TMEM63A: variants seen among roughly 807,000 people sequenced by gnomAD.
TMEM63A encodes the protein transmembrane protein 63A, also known as mechanosensitive cation channel TMEM63A.
Under a neutral mutation model 100.6 loss-of-function variants are expected in TMEM63A, and 76 were observed. The ratio of observed to expected loss-of-function variants is 0.76; its 90% CI spans 0.63 to 0.91. The LOEUF (loss-of-function observed/expected upper bound fraction) is 0.91, where lower values mean the gene tolerates loss of function less well. Ranked by LOEUF, TMEM63A falls within the 40% of genes least tolerant of loss-of-function variation. TMEM63A has a pLI of 0.00. For missense variants in TMEM63A, 876 were observed against 1,008.8 expected, an observed-to-expected ratio of 0.87 and a Z score of 1.78; for synonymous variants, 401 against 401.1, an observed-to-expected ratio of 1.00 and a Z score of 0.00.
intron 24 of TMEM63A, 33 bp from the exon 25 acceptor site, chr1:225,846,965 G>T: frequency 2.0e-6 from 3 of 1,491,600 alleles, no homozygotes; most frequent in South Asian, 1.3e-5. Flanking sequence ...ATGAACTTGG[G>T]AGTCAGGCCG....
chr1:225,846,365 C>T lies in TMEM63A; in HGVS notation c.*574G>A, dbSNP rs893497195. On this transcript the variant is annotated 3_prime_UTR_variant, in exon 25 of 25. Coordinates refer to ENST00000366835, the MANE Select transcript of TMEM63A (RefSeq NM_014698.3). ...TGCCTGCTATGGGGTAACCCTGACC[C>T]AGCTAGCGTCCCTGACAACATGATA... 1 of 152,466 alleles carries T rather than the reference C, an allele frequency of 6.6e-6. No homozygotes were observed. The highest frequency in any genetic ancestry group is 1.5e-5 in the Non-Finnish European group (1 of 68,228). The allele number at this position is 152,466 out of a possible 1,614,324, so 9.4% of individuals were successfully genotyped here.
intron 4 of TMEM63A, among the ~76,000 whole-genome samples, chr1:225,873,440 C>T (rs1043905312): frequency 2.6e-5 from 4 of 152,164 alleles, no homozygotes; most frequent in Non-Finnish European, 5.9e-5. Flanking sequence ...TGTCAGGAGG[C>T]GCCCGAGAGT....
rs1285954216 is a variant in TMEM63A at position 225,862,023 on chromosome 1, C to T, written c.1085+195G>A. On this transcript the variant is annotated intron_variant, in intron 13 of 24. Coordinates refer to ENST00000366835, the MANE Select transcript of TMEM63A (RefSeq NM_014698.3). The surrounding 1 kb of genome is among the most constrained non-coding windows in gnomAD (Gnocchi z 5.1). ...ACTCCGTGGCTGCTGCCCACACCCC[C>T]ACCGCCTGTTACACAAACATGGGCT... is the stretch of plus-strand genomic sequence containing the variant. The T allele has an allele frequency of 2.3e-6, 2 of 854,054 alleles. No individual in the cohort carries two copies. Among genetic ancestry groups the T allele is most frequent in the Non-Finnish European group, 3.5e-6 (2 of 566,720 alleles). The allele number at this position is 854,054 out of a possible 1,614,324, so 52.9% of individuals were successfully genotyped here.
At chr1:225,871,622 T>C (rs1052555350) in intron 5 of TMEM63A, 7 of 281,684 alleles carry the variant, frequency 2.5e-5, no homozygotes, top group Admixed American at 9.5e-5. Context: ...ACACCTACTA[T>C]GCATCAGGCG....
At chr1:225,876,396 G>C (rs12042321) in intron 3 of TMEM63A, among the ~76,000 whole-genome samples, 1 of 151,920 alleles carries the variant, frequency 6.6e-6, no homozygotes, top group Non-Finnish European at 1.5e-5. Flanking sequence ...TACTCCATCA[G>C]AGCCATCTGC....
intron 4 of TMEM63A, among the ~76,000 whole-genome samples, chr1:225,873,555 G>T (rs1298648140): frequency 6.6e-6 from 1 of 152,134 alleles, no homozygotes; most frequent in Non-Finnish European, 1.5e-5. Flanking sequence ...AAGATCCTGG[G>T]TGCAAACAGC....
At chr1:225,843,701 A>T (rs1668635758), downstream of TMEM63A, among the ~76,000 whole-genome samples, 1 of 152,198 alleles carries the variant, frequency 6.6e-6, no homozygotes. Context: ...GTGTTCTAGA[A>T]AGAACAGGAA....
At chr1:225,852,572 T>A (rs757034896) in intron 20 of TMEM63A, 92 bp downstream of exon 20, 3 of 1,240,038 alleles carry the variant, frequency 2.4e-6, no homozygotes, top group Non-Finnish European at 3.5e-6. Flanking sequence ...GGGAACTCCA[T>A]TGTGCCCTGG....
At chr1:225,842,870 G>A (rs893005070), downstream of TMEM63A, among the ~76,000 whole-genome samples, 1 of 152,232 alleles carries the variant, frequency 6.6e-6, no homozygotes, top group African/African-American at 2.4e-5. Flanking sequence ...GGTGGTCGCA[G>A]AAAGACAGGA....
chr1:225,881,192 T>C (rs1266386239), intron 1 of TMEM63A, among the ~76,000 whole-genome samples: 1 of 152,230 alleles, frequency 6.6e-6, no homozygotes, highest in East Asian at 1.9e-4. Context: ...AGAGGCAGTG[T>C]GGCTCAGGGA....
chr1:225,872,955 A>C (rs1670594263), intron 4 of TMEM63A, among the ~76,000 whole-genome samples: 1 of 152,000 alleles, frequency 6.6e-6, no homozygotes, highest in Non-Finnish European at 1.5e-5. Context: ...CGGCCTCCCA[A>C]AGTGCTGGGA....
Position 225,865,475 on chromosome 1 carries a change from G to C in TMEM63A, c.746+422C>G, listed in dbSNP as rs1670155124. 6.2e-6 allele frequency: 1 copy of C among 162,028 alleles called. No homozygotes were observed. Among genetic ancestry groups the C allele is most frequent in the Non-Finnish European group, 1.4e-5 (1 of 73,344 alleles). 10.0% of individuals were successfully genotyped at this position (162,028 alleles called of 1,614,324 possible). A position where few individuals can be genotyped will look rare whatever the true frequency, so the allele number is the denominator to read the frequency against. On this transcript the variant is annotated intron_variant, in intron 10 of 24. Coordinates refer to ENST00000366835, the MANE Select transcript of TMEM63A (RefSeq NM_014698.3). The surrounding 1 kb of genome is among the most constrained non-coding windows in gnomAD (Gnocchi z 4.6). ...GTGGGTGGACAAACGAACAAACGCA[G>C]AGATGGCCCCGAGGTCCTTCCACCT...
intron 4 of TMEM63A, among the ~76,000 whole-genome samples, chr1:225,872,343 G>A (rs1559049796): frequency 6.6e-6 from 1 of 152,188 alleles, no homozygotes; most frequent in Non-Finnish European, 1.5e-5. Flanking sequence ...TGACTTCAAA[G>A]TGTTGCCTAT....
downstream of TMEM63A, chr1:225,845,383 C>G (rs1180631633): frequency 6.5e-6 from 10 of 1,539,874 alleles, no homozygotes; most frequent in Non-Finnish European, 8.7e-6. Context: ...CCTCCCCCCA[C>G]AAGTGCCCTC....
At chr1:225,854,817 G>A (rs918133707) in intron 18 of TMEM63A, among the ~76,000 whole-genome samples, 1 of 152,158 alleles carries the variant, frequency 6.6e-6, no homozygotes, top group African/African-American at 2.4e-5. Context: ...CAGAACTGGG[G>A]GCTGAGCCTT....
Position 225,867,761 on chromosome 1 carries a change from C to T in TMEM63A, c.514+127G>A. 2 of 1,309,640 alleles carry T rather than the reference C, an allele frequency of 1.5e-6. No homozygotes were observed. Among genetic ancestry groups the T allele is most frequent in the Non-Finnish European group, 2.1e-6 (2 of 960,474 alleles). 81.1% of individuals were successfully genotyped at this position (1,309,640 alleles called of 1,614,324 possible). On this transcript the variant is annotated intron_variant, in intron 7 of 24. Coordinates refer to ENST00000366835, the MANE Select transcript of TMEM63A (RefSeq NM_014698.3). This position sits in a 1 kb window ranked among gnomAD's most constrained non-coding sequence, Gnocchi z 4.6. ...ATCAGATAGAAATGTTCAGAGTCAC[C>T]CTGAGACCATCTTACATCTGAAGTG...
intron 8 of TMEM63A, 116 bp downstream of exon 8, chr1:225,866,996 G>T: frequency 2.0e-6 from 2 of 1,020,112 alleles, no homozygotes; most frequent in Non-Finnish European, 3.1e-6. Flanking sequence ...AGCTGCAAGG[G>T]GCCTTCAGAT....
chr1:225,845,583 A>G lies in TMEM63A; in HGVS notation c.*1356T>C, dbSNP rs1161946103. The G allele has an allele frequency of 6.8e-6, 4 of 586,190 alleles. No individual in the cohort carries two copies. The highest frequency in any genetic ancestry group is 3.0e-5 in the Admixed American group (1 of 33,590). 36.3% of individuals were successfully genotyped at this position (586,190 alleles called of 1,614,324 possible). ...CTAAAAGCGGCTGGAACTCAGTGAC[A>G]TGAGCGTGCGCTGACCCCACATGGG... On this transcript the variant is annotated 3_prime_UTR_variant, in exon 25 of 25. Transcript: ENST00000366835.
chr1:225,849,067 C>T, intron 21 of TMEM63A, 55 bp from the exon 22 acceptor site: 2 of 1,271,414 alleles, frequency 1.6e-6, no homozygotes, highest in Admixed American at 4.0e-5. Context: ...CACCACCTAC[C>T]CTCACCCTGC....
Sources: allele counts gnomAD v4.1 joint callset (sites outside exome capture counted in the v4.1 genomes callset), GRCh38; gene constraint gnomAD v4.1.1; non-coding constraint Gnocchi (gnomAD v3.1); transcripts MANE v1.5; gene names NCBI Gene and HGNC (gene_info 2026-07-23, HGNC 2026-07-21).